Variants in LAMA3 observed in about 807,000 individuals in gnomAD.
LAMA3 encodes the protein laminin subunit alpha-3.
A neutral mutation model predicts 402.0 loss-of-function variants in LAMA3; 281 were observed. That is an observed-to-expected ratio of 0.70 (90% CI 0.63 to 0.77). The LOEUF is 0.77. Ranked by LOEUF, LAMA3 falls within the 30% of genes least tolerant of loss-of-function variation. The probability of loss-of-function intolerance (pLI) is 0.00; values close to 1 mark genes in which losing one functional copy is unlikely to be tolerated. For synonymous variants in LAMA3, 1,431 were observed against 1,558.4 expected (o/e 0.92, Z 1.93); for missense variants, 3,840 against 4,215.5 (o/e 0.91, Z 2.47).
At chr18:23,945,090 A>ACCACTGCACT (rs1028927354) in intron 69 of LAMA3, among the ~76,000 whole-genome samples, 1 of 152,210 alleles carries the variant, frequency 6.6e-6, no homozygotes, top group African/African-American at 2.4e-5. Flanking sequence ...CCGAGATCAC[A>ACCACTGCACT]CCACTGCACT....
chr18:23,768,899 A>C (rs910177332), intron 8 of LAMA3, among the ~76,000 whole-genome samples: 2 of 152,172 alleles, frequency 1.3e-5, no homozygotes, highest in Non-Finnish European at 2.9e-5. Context: ...GGAAAACCAA[A>C]CGCCACACGT....
chr18:23,777,719 C>A, intron 11 of LAMA3, 100 bp downstream of exon 11: 1 of 906,736 alleles, frequency 1.1e-6, no homozygotes, highest in African/African-American at 1.6e-5. Flanking sequence ...CCAAGTCTCC[C>A]TTCCTAGAGC....
At chr18:23,690,114 G>T in intron 1 of LAMA3, 137 bp downstream of exon 1, 1 of 680,672 alleles carries the variant, frequency 1.5e-6, no homozygotes. Context: ...CCCCATCCCC[G>T]CGCGCGAGGG....
chr18:23,737,305 C>T (rs890292747), intron 2 of LAMA3, among the ~76,000 whole-genome samples: 23 of 152,214 alleles, frequency 1.5e-4, no homozygotes, highest in Non-Finnish European at 2.4e-4. Flanking sequence ...AGTCACCTGG[C>T]TCCCAGCCTA....
chr18:23,807,884 A>C (rs954080705), intron 12 of LAMA3, among the ~76,000 whole-genome samples: 1 of 152,186 alleles, frequency 6.6e-6, no homozygotes, highest in Non-Finnish European at 1.5e-5. Flanking sequence ...GAACCCAAGA[A>C]CATTTCCTCA....
intron 6 of LAMA3, among the ~76,000 whole-genome samples, chr18:23,756,848 C>A (rs1037838413): frequency 3.9e-5 from 6 of 152,222 alleles, no homozygotes; most frequent in Admixed American, 3.9e-4. Context: ...CCTTCCCCAA[C>A]CACGTGGCAA....
rs1294969088 is a variant in LAMA3 at position 23,833,874 on chromosome 18, T to C, written c.2870T>C (p.Val957Ala). 3 of 1,613,922 alleles carry C rather than the reference T, an allele frequency of 1.9e-6. No individual in the cohort carries two copies. Among genetic ancestry groups the C allele is most frequent in the South Asian group, 1.1e-5 (1 of 91,074 alleles). The change falls in exon 24 of 75, where the codon GTG (valine) becomes GCG (alanine). Residue 957 changes from valine to alanine, a missense_variant. By Grantham distance (64) the Val-to-Ala change is moderately conservative. Coordinates refer to ENST00000313654, the MANE Select transcript of LAMA3 (RefSeq NM_198129.4). ...CGCATCCCACAGGTTGGCCACTACG[T>C]GGTTGTGGTCGAGTATTCCACGGAG... is the stretch of plus-strand genomic sequence containing the variant. The part of the protein sequence containing the change: ...RLRIPQVGHY[V>A]VVVEYSTEAA...
At position 23,950,125 on chromosome 18, in the gene LAMA3, G is replaced by C; in HGVS notation, c.9608G>C (p.Gly3203Ala). 1 of 1,614,106 alleles carries C rather than the reference G, an allele frequency of 6.2e-7. No homozygotes were observed. The highest frequency in any genetic ancestry group is 8.5e-7 in the Non-Finnish European group (1 of 1,180,018). ...CTAATACACATCGGAAGTCAGCCCG[G>C]GAAGCACTTATGTGTTTACCTGGAG... ...GILIHIGSQP[G>A]KHLCVYLEAG... The change falls in exon 72 of 75, where the codon GGG becomes GCG. Residue 3203 changes from glycine (G) to alanine (A), a missense_variant. Gly to Ala is a moderately conservative substitution (Grantham distance 60). Around this residue, in one of 3 missense-constraint regions of LAMA3, gnomAD observed 840 missense variants for 981.9 expected, o/e 0.86. Coordinates refer to ENST00000313654, the MANE Select transcript of LAMA3 (RefSeq NM_198129.4).
In LAMA3 at chr18:23,689,516, C is replaced by A. The variant is rs990839866; in HGVS notation, c.-168C>A. 3.0e-5 allele frequency: 17 copies of A among 574,482 alleles called. No homozygotes were observed. The highest frequency in any genetic ancestry group is 7.8e-5 in the African/African-American group (4 of 51,266). 35.6% of individuals were successfully genotyped at this position (574,482 alleles called of 1,614,324 possible). A position where few individuals can be genotyped will look rare whatever the true frequency, so the allele number is the denominator to read the frequency against. ...GGTTCCAGAGCTGAGAGGCCACCCC[C>A]ACGCCGCGGGCTTCCAGCGCGTGGA... On this transcript the variant is annotated 5_prime_UTR_variant, in exon 1 of 75. Transcript: ENST00000313654.
At chr18:23,702,934 A>G (rs986675397) in intron 1 of LAMA3, among the ~76,000 whole-genome samples, 1 of 152,004 alleles carries the variant, frequency 6.6e-6, no homozygotes, top group South Asian at 2.1e-4. Flanking sequence ...GCTTGTGTCT[A>G]CCTTGTAGAT....
At chr18:23,902,984 A>G in intron 48 of LAMA3, 25 bp from the exon 49 acceptor site, 1 of 1,389,742 alleles carries the variant, frequency 7.2e-7, no homozygotes, top group Admixed American at 1.7e-5. Context: ...ATAGAGCTCA[A>G]GCAATTTTTT....
intron 10 of LAMA3, among the ~76,000 whole-genome samples, chr18:23,777,163 G>C (rs1020920930): frequency 2.0e-5 from 3 of 151,586 alleles, no homozygotes; most frequent in Non-Finnish European, 2.9e-5. Context: ...AAAAGAAGAG[G>C]AAGAAACCTG....
intron 36 of LAMA3, among the ~76,000 whole-genome samples, chr18:23,867,562 A>G (rs911713494): frequency 6.6e-6 from 1 of 151,812 alleles, no homozygotes; most frequent in South Asian, 2.1e-4. Context: ...CAAAAAAAAA[A>G]AAAAAAGAAA....
chr18:23,722,973 C>A (rs1456253484), intron 2 of LAMA3, among the ~76,000 whole-genome samples: 2 of 152,102 alleles, frequency 1.3e-5, no homozygotes, highest in Non-Finnish European at 2.9e-5. Context: ...TGGGAAAGGG[C>A]AGTCTGTGGG....
chr18:23,868,425 G>T (rs1251431685), intron 37 of LAMA3, among the ~76,000 whole-genome samples: 1 of 152,074 alleles, frequency 6.6e-6, no homozygotes, highest in East Asian at 1.9e-4. Context: ...GAGTCAGCCT[G>T]GGCAAGATGG....
chr18:23,785,095 G>A (rs963206842), intron 12 of LAMA3, among the ~76,000 whole-genome samples: 3 of 152,168 alleles, frequency 2.0e-5, no homozygotes, highest in African/African-American at 7.2e-5. Flanking sequence ...CCCATGGTTG[G>A]TGACTTCATC....
chr18:23,810,534 G>T (rs1287022446), intron 13 of LAMA3, 31 bp downstream of exon 13: 10 of 1,613,060 alleles, frequency 6.2e-6, no homozygotes, highest in Non-Finnish European at 8.5e-6. Context: ...CTAGAGGGCT[G>T]GTTCCTCTCT....
chr18:23,881,867 A>G (rs889112894), intron 39 of LAMA3, 69 bp from the exon 40 acceptor site: 12 of 997,650 alleles, frequency 1.2e-5, no homozygotes, highest in Non-Finnish European at 1.9e-5. Flanking sequence ...TGACTAAGTA[A>G]GATTACAATA....
At chr18:23,812,811 T>A (rs2063099983) in intron 13 of LAMA3, among the ~76,000 whole-genome samples, 1 of 152,204 alleles carries the variant, frequency 6.6e-6, no homozygotes. Flanking sequence ...CAATTAGAAG[T>A]GAACTGTCAT....
Sources: gnomAD v4.1 joint callset for allele counts (sites outside exome capture counted in the v4.1 genomes callset) on GRCh38, gnomAD v4.1.1 for gene constraint, gnomAD v4.1.1 regional missense constraint, MANE v1.5 for transcripts, NCBI Gene and HGNC (gene_info 2026-07-23, HGNC 2026-07-21) for gene names.